RORA: variants seen among roughly 807,000 people sequenced by gnomAD.
RORA encodes the protein RAR related orphan receptor A.
In RORA, 7 loss-of-function variants were observed where a neutral mutation model predicts 69.5. The observed-to-expected ratio is 0.10, with a 90% CI of 0.06 to 0.19. The LOEUF is 0.19. Among genes scored for constraint, RORA ranks in the 10% least tolerant of loss-of-function variants. The probability of loss-of-function intolerance (pLI) is 1.00; values close to 1 mark genes in which losing one functional copy is unlikely to be tolerated. For synonymous variants in RORA, 261 were observed against 240.8 expected, an observed-to-expected ratio of 1.08 and a Z score of -0.78; for missense variants, 457 against 663.0, an observed-to-expected ratio of 0.69 and a Z score of 3.41.
chr15:61,133,876 T>TGC, intron 1 of RORA, among the ~76,000 whole-genome samples: 1 of 152,308 alleles, frequency 6.6e-6, no homozygotes, highest in African/African-American at 2.4e-5. Flanking sequence ...AAATAAATCT[T>TGC]TAACTGTAGC....
intron 1 of RORA, among the ~76,000 whole-genome samples, chr15:61,084,481 G>T (rs1043190037): frequency 2.6e-5 from 4 of 152,318 alleles, no homozygotes; most frequent in Middle Eastern, 3.4e-3. Context: ...TTTTTCAGAG[G>T]TACCTAAATA....
intron 1 of RORA, among the ~76,000 whole-genome samples, chr15:60,900,930 A>G (rs534709783): frequency 6.6e-6 from 1 of 152,216 alleles, no homozygotes; most frequent in African/African-American, 2.4e-5. Context: ...AGGTTTTTGC[A>G]TAGATATAAT....
chr15:60,871,224 A>T (rs917921766), intron 1 of RORA, among the ~76,000 whole-genome samples: 1 of 152,206 alleles, frequency 6.6e-6, no homozygotes, highest in South Asian at 2.1e-4. Flanking sequence ...TTCCTGTTGC[A>T]GATCAAAGAT....
intron 1 of RORA, among the ~76,000 whole-genome samples, chr15:60,709,835 C>G (rs1360739958): frequency 6.6e-6 from 1 of 152,010 alleles, no homozygotes; most frequent in African/African-American, 2.4e-5. Flanking sequence ...TGTCCTGAAA[C>G]CATCCCCCAA....
At chr15:60,539,083 T>C (rs992532425) in intron 2 of RORA, among the ~76,000 whole-genome samples, 7 of 151,102 alleles carry the variant, frequency 4.6e-5, no homozygotes, top group African/African-American at 1.5e-4. Flanking sequence ...TAAGACAAAA[T>C]TGAAGTTTTG....
At chr15:60,850,124 G>A (rs1463616905) in intron 1 of RORA, among the ~76,000 whole-genome samples, 4 of 152,204 alleles carry the variant, frequency 2.6e-5, no homozygotes, top group Admixed American at 2.0e-4. Context: ...AACAGTCCGT[G>A]TTCATGGAGC....
chr15:61,148,726 T>C (rs2079372640), intron 1 of RORA, among the ~76,000 whole-genome samples: 1 of 152,176 alleles, frequency 6.6e-6, no homozygotes. Flanking sequence ...AAATGTCCAA[T>C]ATTATTATGA....
intron 2 of RORA, among the ~76,000 whole-genome samples, chr15:60,595,685 G>GAA (rs34344210): frequency 7.0e-6 from 1 of 143,482 alleles, no homozygotes; most frequent in Admixed American, 6.9e-5. Flanking sequence ...CAAGTGTTCT[G>GAA]AAAAAAAAAA....
At chr15:60,673,085 C>T (rs919030391) in intron 2 of RORA, among the ~76,000 whole-genome samples, 2 of 152,202 alleles carry the variant, frequency 1.3e-5, no homozygotes, top group Non-Finnish European at 2.9e-5. Flanking sequence ...ACCATCTCAA[C>T]ACACCCTTTG....
At chr15:60,775,370 T>C (rs2072150117) in intron 1 of RORA, among the ~76,000 whole-genome samples, 1 of 152,220 alleles carries the variant, frequency 6.6e-6, no homozygotes, top group Non-Finnish European at 1.5e-5. Flanking sequence ...GATTTTCCTA[T>C]ATGTAAGCTG....
chr15:60,522,272 G>A (rs1233717798), intron 3 of RORA, among the ~76,000 whole-genome samples: 2 of 152,192 alleles, frequency 1.3e-5, no homozygotes, highest in African/African-American at 4.8e-5. Context: ...ATACCATGCT[G>A]TGCATCCCTT....
At chr15:60,724,906 T>C (rs1263698071) in intron 1 of RORA, among the ~76,000 whole-genome samples, 1 of 152,190 alleles carries the variant, frequency 6.6e-6, no homozygotes, top group Non-Finnish European at 1.5e-5. Flanking sequence ...TCCTCCCCGC[T>C]CCTCACACTG....
chr15:61,160,794 C>T (rs1036682537), intron 1 of RORA, among the ~76,000 whole-genome samples: 3 of 152,220 alleles, frequency 2.0e-5, no homozygotes, highest in South Asian at 2.1e-4. Context: ...TCTTCACAAA[C>T]GAAGACATAA....
At chr15:61,227,253 C>T (rs1018249754) in intron 1 of RORA, among the ~76,000 whole-genome samples, 24 of 148,178 alleles carry the variant, frequency 1.6e-4, no homozygotes, top group Non-Finnish European at 2.7e-4. Context: ...AGGGGATTTT[C>T]TCCAGTGTTT....
At chr15:61,063,643 G>T (rs2078217465) in intron 1 of RORA, among the ~76,000 whole-genome samples, 1 of 152,202 alleles carries the variant, frequency 6.6e-6, no homozygotes, top group Non-Finnish European at 1.5e-5. Context: ...TAAAGGCTCA[G>T]TCTCTTCATC....
chr15:60,579,475 T>A (rs2068129005), intron 2 of RORA, among the ~76,000 whole-genome samples: 2 of 152,046 alleles, frequency 1.3e-5, no homozygotes, highest in African/African-American at 2.4e-5. Context: ...AAAAAAAAAA[T>A]TCCATTGTGG....
rs866313926 is a variant in RORA, at chr15:60,903,385, G to C, written c.167-224699C>G. 3.3e-5 allele frequency among the ~76,000 whole-genome samples: 5 copies of C among 152,244 alleles called. No individual in the cohort carries two copies. In the South Asian group the frequency reaches 8.3e-4, roughly 25 times the overall value. On this transcript the variant is annotated intron_variant, in intron 1 of 10. Transcript: ENST00000335670. ...GGATCTGTTGTTTCTACTGTTGGAC[G>C]CGTTTATGGGCCCTATTGGCCGATT...
intron 1 of RORA, among the ~76,000 whole-genome samples, chr15:60,923,150 C>G (rs1892101833): frequency 6.6e-6 from 1 of 152,116 alleles, no homozygotes; most frequent in African/African-American, 2.4e-5. Flanking sequence ...CACAGGATGC[C>G]GTCCTCTGAA....
intron 1 of RORA, among the ~76,000 whole-genome samples, chr15:60,688,204 T>A (rs1218520275): frequency 6.6e-6 from 1 of 151,796 alleles, no homozygotes; most frequent in Non-Finnish European, 1.5e-5. Context: ...AGCTGCATTA[T>A]GAGAAACAAA....
Sources: allele counts gnomAD v4.1 joint callset (sites outside exome capture counted in the v4.1 genomes callset), GRCh38; gene constraint gnomAD v4.1.1; transcripts MANE v1.5; gene names NCBI Gene and HGNC (gene_info 2026-07-23, HGNC 2026-07-21).